Variants in NXPE2 observed in about 807,000 individuals in gnomAD.
The protein encoded by NXPE2 is neurexophilin and PC-esterase domain family member 2, also known as NXPE family member 2.
Under a neutral mutation model 34.4 loss-of-function variants are expected in NXPE2, and 34 were observed. The ratio of observed to expected loss-of-function variants is 0.99; its 90% CI spans 0.75 to 1.31. The LOEUF (loss-of-function observed/expected upper bound fraction) is 1.31. NXPE2 is among the 40% of genes most tolerant of loss of function. The pLI, the probability that NXPE2 is intolerant of heterozygous loss-of-function variation, is 0.00. For synonymous variants in NXPE2, 235 were observed against 231.3 expected, an observed-to-expected ratio of 1.02 and a Z score of -0.15; for missense variants, 649 against 672.5, an observed-to-expected ratio of 0.97 and a Z score of 0.39.
chr11:114,638,363 G>T, the NXPE2 span, among the ~76,000 whole-genome samples: 3 of 151,774 alleles, frequency 2.0e-5, no homozygotes, highest in African/African-American at 7.2e-5. Context: ...TTATCCATTC[G>T]TCTAAATTTT....
At chr11:114,485,745 GT>G in the NXPE2 span, among the ~76,000 whole-genome samples, 4 of 152,056 alleles carry the variant, frequency 2.6e-5, no homozygotes, top group Non-Finnish European at 5.9e-5. Flanking sequence ...GTGAGAACAC[GT>G]GAAGTTTTTC....
the NXPE2 span, among the ~76,000 whole-genome samples, chr11:114,631,197 C>T: frequency 2.6e-5 from 4 of 152,002 alleles, 1 homozygote; most frequent in Admixed American, 6.6e-5. Flanking sequence ...GGCTATAAAT[C>T]ATGCTGCTAT....
chr11:114,679,986 G>T (rs189296490), intron 2 of NXPE2, among the ~76,000 whole-genome samples: 1 of 152,046 alleles, frequency 6.6e-6, no homozygotes, highest in East Asian at 1.9e-4. Flanking sequence ...TTTAAAAAAT[G>T]GCAGATGGAT....
the NXPE2 span, among the ~76,000 whole-genome samples, chr11:114,657,958 A>G: frequency 1.3e-5 from 2 of 152,332 alleles, no homozygotes; most frequent in African/African-American, 2.4e-5. Context: ...ATGCCAAATC[A>G]GTTAGTTTAT....
At chr11:114,501,407 A>C in the NXPE2 span, among the ~76,000 whole-genome samples, 1 of 152,150 alleles carries the variant, frequency 6.6e-6, no homozygotes, top group South Asian at 2.1e-4. Context: ...ATCAACCCTC[A>C]AGAAAGGGGA....
At chr11:114,476,577 A>G in the NXPE2 span, among the ~76,000 whole-genome samples, 3 of 152,206 alleles carry the variant, frequency 2.0e-5, no homozygotes. Context: ...GTTAAGCCTC[A>G]GGAAACTTAC....
the NXPE2 span, among the ~76,000 whole-genome samples, chr11:114,465,464 T>C: frequency 6.6e-6 from 1 of 151,954 alleles, no homozygotes; most frequent in African/African-American, 2.4e-5. Context: ...GTTTTTAGGG[T>C]GTACATAAGT....
the NXPE2 span, among the ~76,000 whole-genome samples, chr11:114,466,865 T>C: frequency 6.6e-6 from 1 of 152,276 alleles, no homozygotes. Context: ...AGGGGGAAGA[T>C]GGTCATTTGG....
chr11:114,714,803 C>A, the NXPE2 span, among the ~76,000 whole-genome samples: 1 of 152,180 alleles, frequency 6.6e-6, no homozygotes, highest in East Asian at 1.9e-4. Context: ...GCAGGTGGAT[C>A]ATGAGGTCAG....
chr11:114,519,882 T>A, the NXPE2 span, among the ~76,000 whole-genome samples: 1 of 151,964 alleles, frequency 6.6e-6, no homozygotes, highest in Non-Finnish European at 1.5e-5. Context: ...CACTGCACAA[T>A]TACCTTTTGT....
chr11:114,808,829 C>T, the NXPE2 span, among the ~76,000 whole-genome samples: 3 of 152,156 alleles, frequency 2.0e-5, no homozygotes, highest in Non-Finnish European at 4.4e-5. Flanking sequence ...GGGAATCCTG[C>T]CTAACTCATT....
At chr11:114,569,239 A>G in the NXPE2 span, among the ~76,000 whole-genome samples, 14 of 152,186 alleles carry the variant, frequency 9.2e-5, no homozygotes, top group Admixed American at 6.5e-4. Flanking sequence ...CTGCTTGACA[A>G]TAATCACATT....
At chr11:114,725,976 A>AAAAAAAATATATATATATATATAT in the NXPE2 span, among the ~76,000 whole-genome samples, 1 of 101,764 alleles carries the variant, frequency 9.8e-6, no homozygotes, top group Non-Finnish European at 2.1e-5. Context: ...ATAAAAAAAA[A>AAAAAAAATATATATATATATATAT]ATATATATAT....
chr11:114,602,061 T>C, the NXPE2 span, among the ~76,000 whole-genome samples: 1 of 92,252 alleles, frequency 1.1e-5, no homozygotes, highest in Non-Finnish European at 1.8e-5. Context: ...ATTATATATA[T>C]TATAATATAT....
the NXPE2 span, among the ~76,000 whole-genome samples, chr11:114,476,741 A>C: frequency 1.3e-5 from 2 of 152,154 alleles, no homozygotes; most frequent in Non-Finnish European, 2.9e-5. Flanking sequence ...AAACTGCCCC[A>C]TGATCCAATC....
At chr11:114,652,937 A>C in the NXPE2 span, among the ~76,000 whole-genome samples, 1 of 152,202 alleles carries the variant, frequency 6.6e-6, no homozygotes, top group Non-Finnish European at 1.5e-5. Flanking sequence ...TAAAATCTGA[A>C]GTTTTAGTAT....
At chr11:114,650,026 C>T in the NXPE2 span, among the ~76,000 whole-genome samples, 10 of 152,156 alleles carry the variant, frequency 6.6e-5, no homozygotes, top group African/African-American at 1.9e-4. Flanking sequence ...TCTGTTTCTA[C>T]ATAAACTGTA....
At chr11:114,666,425 CAATTT>C in the NXPE2 span, among the ~76,000 whole-genome samples, 4 of 152,032 alleles carry the variant, frequency 2.6e-5, no homozygotes, top group Non-Finnish European at 4.4e-5. Context: ...AAAATCAATT[CAATTT>C]GATTATTACT....
At chr11:114,754,834 G>T in the NXPE2 span, among the ~76,000 whole-genome samples, 8 of 152,290 alleles carry the variant, frequency 5.3e-5, no homozygotes, top group South Asian at 1.7e-3. Flanking sequence ...TGGATCCTGG[G>T]GTAGTAAGAA....
Sources: gnomAD v4.1 joint callset for allele counts (sites outside exome capture counted in the v4.1 genomes callset) on GRCh38, gnomAD v4.1.1 for gene constraint, MANE v1.5 for transcripts, NCBI Gene and HGNC (gene_info 2026-07-23, HGNC 2026-07-21) for gene names.